Variants in C10orf143 observed in about 807,000 individuals in gnomAD.
The protein encoded by C10orf143 is uncharacterized protein C10orf143.
intron 1 of C10orf143, chr10:130,107,250 A>G: frequency 3.3e-6 from 4 of 1,227,960 alleles, no homozygotes; most frequent in Non-Finnish European, 4.8e-6. Context: ...ACAGTAGAGG[A>G]AAATAGCCGG....
chr10:130,073,694 T>C (rs1310486341), intron 3 of C10orf143, among the ~76,000 whole-genome samples: 2 of 152,176 alleles, frequency 1.3e-5, no homozygotes, highest in Non-Finnish European at 2.9e-5. Flanking sequence ...TTATCTAACA[T>C]GTTTGTAGGA....
At chr10:130,060,146 CCTA>C (rs1187538049), downstream of C10orf143, among the ~76,000 whole-genome samples, 3 of 152,156 alleles carry the variant, frequency 2.0e-5, no homozygotes, top group African/African-American at 7.2e-5. Context: ...GTTTGTCCTG[CCTA>C]CTTTTGTGGG....
At chr10:130,068,266 A>G (rs1860970156) in intron 3 of C10orf143, 1 of 152,278 alleles carries the variant, frequency 6.6e-6, no homozygotes, top group Admixed American at 6.5e-5. Flanking sequence ...AAGCCCAGAC[A>G]TGAACTTACC....
chr10:130,101,624 T>G (rs866376576), intron 1 of C10orf143, among the ~76,000 whole-genome samples: 12 of 151,942 alleles, frequency 7.9e-5, no homozygotes, highest in Non-Finnish European at 1.3e-4. Context: ...CCCAGCACTT[T>G]GGGAGGTGGA....
intron 3 of C10orf143, among the ~76,000 whole-genome samples, chr10:130,072,991 G>A (rs1047325196): frequency 2.6e-5 from 4 of 152,186 alleles, no homozygotes; most frequent in Non-Finnish European, 4.4e-5. Context: ...AAAGTGAAGT[G>A]CAATAAAATG....
chr10:130,095,052 A>G (rs932168567), intron 1 of C10orf143, among the ~76,000 whole-genome samples: 12 of 152,340 alleles, frequency 7.9e-5, no homozygotes, highest in African/African-American at 2.4e-4. Flanking sequence ...ATCAATGTGC[A>G]AAACTCAAAA....
chr10:130,055,590 T>G (rs1860785579), intron 3 of C10orf143, among the ~76,000 whole-genome samples: 1 of 152,146 alleles, frequency 6.6e-6, no homozygotes, highest in South Asian at 2.1e-4. Flanking sequence ...TTGTCAAGAA[T>G]GTTTGAAAAA....
chr10:130,053,236 T>G lies in C10orf143; in HGVS notation c.298-17266A>C, dbSNP rs538826503. On this transcript the variant is annotated intron_variant and NMD_transcript_variant, in intron 3 of 5. Coordinates refer to the C10orf143 transcript ENST00000643056. ...CCATCACACCCAGCTAATTTTTGTATTTTTAGTAGAAACGGGGTTTCACTA... is the reference window on the plus strand; with the variant it reads ...CCATCACACCCAGCTAATTTTTGTAGTTTTAGTAGAAACGGGGTTTCACTA... 2.1e-3 allele frequency among the ~76,000 whole-genome samples: 325 copies of G among 152,240 alleles called. 3 individuals carry two copies. Among genetic ancestry groups the G allele is most frequent in the African/African-American group, 7.2e-3 (299 of 41,562 alleles).
At chr10:130,081,646 A>G (rs1378941231) in intron 1 of C10orf143, among the ~76,000 whole-genome samples, 2 of 151,730 alleles carry the variant, frequency 1.3e-5, no homozygotes, top group African/African-American at 2.4e-5. Context: ...ATCAATTATT[A>G]ACAAAAACAA....
At chr10:130,044,803 C>A (rs573205686) in intron 3 of C10orf143, among the ~76,000 whole-genome samples, 6 of 152,124 alleles carry the variant, frequency 3.9e-5, no homozygotes, top group Non-Finnish European at 7.4e-5. Context: ...ACCCTTGCCA[C>A]CTGTGTACCC....
At chr10:130,106,123 G>A (rs1485597914) in intron 1 of C10orf143, 2 of 698,120 alleles carry the variant, frequency 2.9e-6, no homozygotes, top group Non-Finnish European at 5.1e-6. Flanking sequence ...TGGCAGCGCT[G>A]CCTGAAAGTA....
chr10:130,107,270 G>A, intron 1 of C10orf143: 1 of 1,183,242 alleles, frequency 8.5e-7, no homozygotes. Context: ...GTTAGAGAAA[G>A]AAGAGAAACT....
chr10:130,059,711 C>T (rs990782292), downstream of C10orf143, among the ~76,000 whole-genome samples: 2 of 152,010 alleles, frequency 1.3e-5, no homozygotes, highest in African/African-American at 2.4e-5. Context: ...ACTCTATAAT[C>T]CAGTTAGTGG....
At chr10:130,039,679 C>CATGCCCTGCAAGTCAGAAG (rs1860584763) in intron 3 of C10orf143, among the ~76,000 whole-genome samples, 1 of 152,200 alleles carries the variant, frequency 6.6e-6, no homozygotes, top group Non-Finnish European at 1.5e-5. Flanking sequence ...AATTCACACT[C>CATGCCCTGCAAGTCAGAAG]ATGCCCTGCA....
At chr10:130,091,326 G>A (rs767742289) in intron 1 of C10orf143, among the ~76,000 whole-genome samples, 1 of 152,166 alleles carries the variant, frequency 6.6e-6, no homozygotes, top group Non-Finnish European at 1.5e-5. Flanking sequence ...TGCAGCAAAG[G>A]AGCATGACTC....
intron 3 of C10orf143, among the ~76,000 whole-genome samples, chr10:130,078,977 T>A (rs972336304): frequency 2.0e-5 from 3 of 152,212 alleles, no homozygotes; most frequent in African/African-American, 7.2e-5. Flanking sequence ...ATCAAAGACA[T>A]ATTAACTTGT....
At chr10:130,106,286 A>G in intron 1 of C10orf143, 1 of 1,580,768 alleles carries the variant, frequency 6.3e-7, no homozygotes, top group Non-Finnish European at 8.7e-7. Flanking sequence ...GCTTGCTATA[A>G]TGCTTTCTGG....
At chr10:130,066,040 C>A (rs1171749) in intron 3 of C10orf143, 141,729 of 152,218 alleles carry the variant, frequency 0.93, 66,019 homozygotes, top group Admixed American at 0.95. Context: ...TTTTTAAAAA[C>A]AGCTATTCAC....
intron 4 of C10orf143, among the ~76,000 whole-genome samples, chr10:130,035,615 T>G (rs1178412643): frequency 6.6e-6 from 1 of 152,070 alleles, no homozygotes; most frequent in African/African-American, 2.4e-5. Context: ...CCCTCACATG[T>G]CCTGTCTCAC....
Sources: allele counts gnomAD v4.1 joint callset (sites outside exome capture counted in the v4.1 genomes callset), GRCh38; gene constraint gnomAD v4.1.1; transcripts MANE v1.5; gene names NCBI Gene and HGNC (gene_info 2026-07-23, HGNC 2026-07-21).